The following TRDN variants were observed in gnomAD, a reference collection of about 807,000 sequenced individuals.
The protein encoded by TRDN is triadin in skeletal muscle.
Under a neutral mutation model 149.7 loss-of-function variants are expected in TRDN, and 161 were observed. The ratio of observed to expected loss-of-function variants is 1.08; its 90% confidence interval spans 0.95 to 1.23. TRDN has a LOEUF of 1.23. Among genes scored for constraint, TRDN ranks in the 50% most tolerant of loss-of-function variants. The probability of loss-of-function intolerance (pLI) is 0.00; values close to 1 mark genes in which losing one functional copy is unlikely to be tolerated. For missense variants in TRDN, 896 were observed against 823.5 expected (o/e 1.09, Z -1.08); for synonymous variants, 294 against 250.5 (o/e 1.17, Z -1.64).
At chr6:123,596,646 A>G (rs892212155) in intron 1 of TRDN, among the ~76,000 whole-genome samples, 2 of 152,072 alleles carry the variant, frequency 1.3e-5, no homozygotes, top group African/African-American at 4.8e-5. Flanking sequence ...GTTGAATCCA[A>G]TGCTCATTTA....
At chr6:123,258,648 C>CCTT (rs1299279741) in intron 35 of TRDN, among the ~76,000 whole-genome samples, 3 of 150,090 alleles carry the variant, frequency 2.0e-5, no homozygotes, top group Admixed American at 6.6e-5. Flanking sequence ...ACGCTGGCCT[C>CCTT]ACAAAATGAG....
chr6:123,352,157 T>A (rs1562273959), intron 21 of TRDN: 1 of 984,686 alleles, frequency 1.0e-6, no homozygotes, highest in Non-Finnish European at 1.2e-6. Context: ...TTTTTGCATG[T>A]ATAGGATTGG....
intron 24 of TRDN, among the ~76,000 whole-genome samples, chr6:123,312,698 A>G (rs1778870675): frequency 6.6e-6 from 1 of 151,970 alleles, no homozygotes; most frequent in East Asian, 1.9e-4. Context: ...GCTTAAATAT[A>G]TTATCTCCAT....
chr6:123,449,625 A>G (rs9490759), intron 10 of TRDN, among the ~76,000 whole-genome samples: 22,958 of 152,152 alleles, frequency 0.15, 2,253 homozygotes, highest in African/African-American at 0.28. Context: ...AGAGAATTCT[A>G]AAATCTTGTA....
At chr6:123,503,314 T>A (rs541009767) in intron 8 of TRDN, 1 of 985,354 alleles carries the variant, frequency 1.0e-6, no homozygotes, top group Non-Finnish European at 1.2e-6. Context: ...GATTCCAACA[T>A]GTACCCCTTC....
intron 2 of TRDN, among the ~76,000 whole-genome samples, chr6:123,552,191 C>T (rs1380383709): frequency 6.6e-6 from 1 of 151,992 alleles, no homozygotes; most frequent in Non-Finnish European, 1.5e-5. Flanking sequence ...CCACTGAATG[C>T]CGGGAAAACT....
intron 1 of TRDN, among the ~76,000 whole-genome samples, chr6:123,586,291 G>A: frequency 6.6e-6 from 1 of 152,116 alleles, no homozygotes; most frequent in Non-Finnish European, 1.5e-5. Context: ...AAGGATTATA[G>A]GGTGGAGGAC....
intron 14 of TRDN, among the ~76,000 whole-genome samples, chr6:123,382,520 G>A (rs1781759432): frequency 6.6e-6 from 1 of 151,824 alleles, no homozygotes; most frequent in Non-Finnish European, 1.5e-5. Context: ...TTTCCATAAA[G>A]ATGCTTAGGA....
At chr6:123,273,294 T>G (rs1292252504) in intron 28 of TRDN, 43 bp downstream of exon 28, 1 of 1,084,598 alleles carries the variant, frequency 9.2e-7, no homozygotes, top group East Asian at 3.9e-5. Flanking sequence ...TCAATATTTT[T>G]TCGTAAGAAA....
intron 5 of TRDN, among the ~76,000 whole-genome samples, chr6:123,516,806 T>G (rs1282035024): frequency 1.3e-5 from 2 of 152,100 alleles, no homozygotes; most frequent in Non-Finnish European, 2.9e-5. Flanking sequence ...ACCCCATACC[T>G]TAGTCATAAT....
intron 7 of TRDN, among the ~76,000 whole-genome samples, chr6:123,511,029 G>C (rs570498125): frequency 6.6e-6 from 1 of 152,116 alleles, no homozygotes; most frequent in Non-Finnish European, 1.5e-5. Flanking sequence ...CTATGCTTTT[G>C]AGGTCTTACT....
chr6:123,554,633 G>T (rs77826705), intron 2 of TRDN, among the ~76,000 whole-genome samples: 1,667 of 152,096 alleles, frequency 0.011, 8 homozygotes, highest in Middle Eastern at 0.037. Flanking sequence ...TTGTCTTGAA[G>T]GTAAACAAAT....
At chr6:123,610,201 G>C (rs746980851) in intron 1 of TRDN, among the ~76,000 whole-genome samples, 3 of 152,052 alleles carry the variant, frequency 2.0e-5, no homozygotes, top group Non-Finnish European at 4.4e-5. Context: ...TAAATGCCAG[G>C]GTATTAAAAA....
At chr6:123,267,893 A>G (rs1777067583) in intron 31 of TRDN, 142 bp from the exon 32 acceptor site, 1 of 625,488 alleles carries the variant, frequency 1.6e-6, no homozygotes, top group East Asian at 3.0e-5. Flanking sequence ...CAAAGAAAGC[A>G]TATTGCCATA....
At chr6:123,261,815 G>T (rs1776780778) in intron 33 of TRDN, among the ~76,000 whole-genome samples, 1 of 151,694 alleles carries the variant, frequency 6.6e-6, no homozygotes, top group African/African-American at 2.4e-5. Context: ...CTTAATTTTG[G>T]CAATAGTGTT....
intron 24 of TRDN, among the ~76,000 whole-genome samples, chr6:123,296,948 G>A (rs750451374): frequency 3.9e-5 from 6 of 152,078 alleles, no homozygotes; most frequent in Admixed American, 2.0e-4. Context: ...AGGATAGATA[G>A]AAAAGTGACC....
intron 38 of TRDN, among the ~76,000 whole-genome samples, chr6:123,230,676 G>A (rs968387106): frequency 3.3e-5 from 5 of 151,804 alleles, no homozygotes; most frequent in Non-Finnish European, 5.9e-5. Flanking sequence ...TTCATAGATG[G>A]TTGGAATCTC....
At chr6:123,296,782 G>T (rs1243173981) in intron 24 of TRDN, among the ~76,000 whole-genome samples, 1 of 151,938 alleles carries the variant, frequency 6.6e-6, no homozygotes, top group Non-Finnish European at 1.5e-5. Context: ...CATAGATAAT[G>T]ATGTGTGTTA....
chr6:123,359,797 G>A (rs180896900), intron 20 of TRDN, among the ~76,000 whole-genome samples: 5 of 152,162 alleles, frequency 3.3e-5, no homozygotes, highest in Non-Finnish European at 4.4e-5. Flanking sequence ...CTGGGTTCAC[G>A]CCATTCTCCT....
Sources: allele counts gnomAD v4.1 joint callset (sites outside exome capture counted in the v4.1 genomes callset), GRCh38; gene constraint gnomAD v4.1.1; transcripts MANE v1.5; gene names NCBI Gene and HGNC (gene_info 2026-07-23, HGNC 2026-07-21).